The following EXTL3 variants were observed in gnomAD, a reference collection of about 807,000 sequenced individuals.
EXTL3 encodes exostosin like glycosyltransferase 3, also known as exostosin-like 3.
A neutral mutation model predicts 69.3 loss-of-function variants in EXTL3; 27 were observed. The observed-to-expected ratio is 0.39, with a 90% CI of 0.29 to 0.54. EXTL3 has a LOEUF of 0.54. EXTL3 is among the 20% of genes least tolerant of loss of function. EXTL3 has a pLI of 0.69. For missense variants in EXTL3, 1,003 were observed against 1,231.8 expected, an observed-to-expected ratio of 0.81 and a Z score of 2.78; for synonymous variants, 511 against 499.4, an observed-to-expected ratio of 1.02 and a Z score of -0.31.
At chr8:28,658,870 T>C (rs1395100735) in intron 1 of EXTL3, among the ~76,000 whole-genome samples, 1 of 152,228 alleles carries the variant, frequency 6.6e-6, no homozygotes, top group Non-Finnish European at 1.5e-5. Flanking sequence ...CATGAGCCAC[T>C]GCACCCGGCC....
chr8:28,735,925 TCC>T (rs1450551015), intron 4 of EXTL3, among the ~76,000 whole-genome samples: 1 of 152,186 alleles, frequency 6.6e-6, no homozygotes, highest in Non-Finnish European at 1.5e-5. Flanking sequence ...ATACTGTGGT[TCC>T]ATTATGTGAG....
intron 5 of EXTL3, chr8:28,742,146 A>G (rs1801793826): frequency 6.6e-6 from 1 of 152,248 alleles, no homozygotes; most frequent in Non-Finnish European, 1.5e-5. Flanking sequence ...CAACATCAAC[A>G]GTAGATATAG....
chr8:28,743,273 C>G, intron 6 of EXTL3, 59 bp downstream of exon 6: 2 of 1,597,450 alleles, frequency 1.3e-6, no homozygotes, highest in Non-Finnish European at 1.7e-6. Context: ...ACTTGTTTTG[C>G]AGTAGTGCAG....
At chr8:28,649,663 G>A (rs951504976) in intron 1 of EXTL3, among the ~76,000 whole-genome samples, 1 of 152,066 alleles carries the variant, frequency 6.6e-6, no homozygotes, top group Non-Finnish European at 1.5e-5. Context: ...TAAGTCTCTT[G>A]CTTGTTTGTT....
chr8:28,653,426 CATACTT>C (rs1351278055), intron 1 of EXTL3, among the ~76,000 whole-genome samples: 1 of 152,122 alleles, frequency 6.6e-6, no homozygotes, highest in African/African-American at 2.4e-5. Context: ...TTTTAAGTGT[CATACTT>C]AAGAAACCAC....
At chr8:28,708,426 C>CTT (rs71549693) in intron 1 of EXTL3, among the ~76,000 whole-genome samples, 6,028 of 118,600 alleles carry the variant, frequency 0.051, 173 homozygotes, top group Non-Finnish European at 0.063. Context: ...TGGGAAGTGC[C>CTT]TTTTTTTTTT....
At chr8:28,697,158 T>C (rs965618032), upstream of EXTL3, 1 of 152,246 alleles carries the variant, frequency 6.6e-6, no homozygotes, top group Admixed American at 6.5e-5. Flanking sequence ...GTGTACATAA[T>C]AGAACCTTAA....
chr8:28,701,623 C>T lies in EXTL3; in HGVS notation c.-606C>T. 1.2e-5 allele frequency: 2 copies of T among 163,254 alleles called. No individual in the cohort carries two copies. Among genetic ancestry groups the T allele is most frequent in the East Asian group, 1.8e-4 (1 of 5,620 alleles). The allele number at this position is 163,254 out of a possible 1,614,324, so 10.1% of individuals were successfully genotyped here. A position where few individuals can be genotyped will look rare whatever the true frequency, so the allele number is the denominator to read the frequency against. On this transcript the variant is annotated 5_prime_UTR_variant, in exon 1 of 7. Coordinates refer to ENST00000220562, the MANE Select transcript of EXTL3 (RefSeq NM_001440.4). ...GGGACGCCGACTTTCGCGCAGGCGGCGGCGGCGGCGGCGGCGGGTCCCTGA... is the reference window on the plus strand; with the variant it reads ...GGGACGCCGACTTTCGCGCAGGCGGTGGCGGCGGCGGCGGCGGGTCCCTGA...
intron 2 of EXTL3, among the ~76,000 whole-genome samples, chr8:28,615,139 C>T (rs931662961): frequency 2.0e-5 from 3 of 152,074 alleles, no homozygotes; most frequent in Non-Finnish European, 4.4e-5. Flanking sequence ...CTTTCTTTTA[C>T]GTTTCTTAAG....
At chr8:28,620,930 G>T (rs548841934), upstream of EXTL3, among the ~76,000 whole-genome samples, 1 of 152,204 alleles carries the variant, frequency 6.6e-6, no homozygotes, top group Admixed American at 6.5e-5. Context: ...GCCCAGGCTG[G>T]TCTCTAACTT....
At chr8:28,721,129 G>C (rs1270859913) in intron 3 of EXTL3, among the ~76,000 whole-genome samples, 1 of 152,114 alleles carries the variant, frequency 6.6e-6, no homozygotes, top group East Asian at 1.9e-4. Flanking sequence ...GCCTTAGCAT[G>C]GTTTTCTTTG....
At chr8:28,691,790 G>A (rs907042359) in intron 1 of EXTL3, among the ~76,000 whole-genome samples, 3 of 151,910 alleles carry the variant, frequency 2.0e-5, no homozygotes, top group South Asian at 4.1e-4. Flanking sequence ...CCAGCTACTC[G>A]GGAGGCTGAG....
intron 4 of EXTL3, among the ~76,000 whole-genome samples, chr8:28,733,815 C>T (rs952668049): frequency 2.7e-5 from 4 of 149,356 alleles, no homozygotes; most frequent in Admixed American, 6.7e-5. Context: ...TTTGGATTGT[C>T]GTCTTTTTTT....
At chr8:28,649,184 A>G (rs957641323) in intron 1 of EXTL3, among the ~76,000 whole-genome samples, 2 of 152,204 alleles carry the variant, frequency 1.3e-5, no homozygotes, top group African/African-American at 4.8e-5. Context: ...GAATACAGGC[A>G]TATGCCACTG....
intron 1 of EXTL3, among the ~76,000 whole-genome samples, chr8:28,678,806 C>A (rs1807432151): frequency 6.6e-6 from 1 of 152,106 alleles, no homozygotes; most frequent in African/African-American, 2.4e-5. Context: ...GCATGATTTC[C>A]CCTATATGTT....
intron 1 of EXTL3, among the ~76,000 whole-genome samples, chr8:28,681,598 A>G (rs1179328531): frequency 1.3e-5 from 2 of 152,222 alleles, no homozygotes; most frequent in African/African-American, 2.4e-5. Flanking sequence ...TAGCACTGCA[A>G]TGAACAAGAG....
chr8:28,712,718 A>G (rs1352057769), intron 1 of EXTL3, among the ~76,000 whole-genome samples: 2 of 152,220 alleles, frequency 1.3e-5, no homozygotes, highest in East Asian at 3.8e-4. Context: ...GCCTGGCTCC[A>G]GTAAAAGAGA....
chr8:28,695,525 T>G (rs544534348), intron 1 of EXTL3, among the ~76,000 whole-genome samples: 1 of 152,290 alleles, frequency 6.6e-6, no homozygotes, highest in South Asian at 2.1e-4. Flanking sequence ...CTGGTGGGTT[T>G]GTTTGTTTCC....
At chr8:28,644,517 A>C (rs983114157) in intron 1 of EXTL3, among the ~76,000 whole-genome samples, 1 of 151,970 alleles carries the variant, frequency 6.6e-6, no homozygotes, top group African/African-American at 2.4e-5. Context: ...TGGTCAAGAG[A>C]GTGAGACCCC....
Sources: gnomAD v4.1 joint callset for allele counts (sites outside exome capture counted in the v4.1 genomes callset) on GRCh38, gnomAD v4.1.1 for gene constraint, MANE v1.5 for transcripts, NCBI Gene and HGNC (gene_info 2026-07-23, HGNC 2026-07-21) for gene names.